The following PCMTD2 variants were observed in gnomAD, a reference collection of about 807,000 sequenced individuals.
PCMTD2 encodes the protein protein-L-isoaspartate O-methyltransferase domain-containing protein 2.
A neutral mutation model predicts 33.4 loss-of-function variants in PCMTD2; 16 were observed. The observed-to-expected ratio is 0.48, with a 90% confidence interval of 0.32 to 0.73. The LOEUF (loss-of-function observed/expected upper bound fraction) is 0.73. Ranked by LOEUF, PCMTD2 falls within the 30% of genes least tolerant of loss-of-function variation. PCMTD2 has a pLI of 0.03. For missense variants in PCMTD2, 374 were observed against 449.9 expected (o/e 0.83, Z 1.53); for synonymous variants, 161 against 160.8 (o/e 1.00, Z -0.01).
At chr20:64,259,861 A>G (rs1985325473) in intron 1 of PCMTD2, 81 bp from the exon 2 acceptor site, 4 of 675,540 alleles carry the variant, frequency 5.9e-6, no homozygotes, top group South Asian at 4.0e-5. Flanking sequence ...CAGAATTTCA[A>G]ATTGGTATCT....
chr20:64,272,671 T>G (rs1985955787), intron 5 of PCMTD2, among the ~76,000 whole-genome samples: 1 of 152,096 alleles, frequency 6.6e-6, no homozygotes, highest in Non-Finnish European at 1.5e-5. Flanking sequence ...AATACAAAAA[T>G]TAGCTGGGCG....
At position 64,273,907 on chromosome 20, in the gene PCMTD2, C is replaced by T; in HGVS notation, c.*307C>T. ...TTCGGCTCTGACGAAACACTGAAGTCTGCGTAAGAGAGACTGTTTGATGAC... is the reference window on the plus strand; with the variant it reads ...TTCGGCTCTGACGAAACACTGAAGTTTGCGTAAGAGAGACTGTTTGATGAC... On this transcript the variant is annotated 3_prime_UTR_variant, in exon 6 of 6. Transcript: ENST00000308824. 1 of 255,406 alleles carries T rather than the reference C, an allele frequency of 3.9e-6. No individual in the cohort carries two copies. Among genetic ancestry groups the T allele is most frequent in the Non-Finnish European group, 7.4e-6 (1 of 134,362 alleles). 15.8% of individuals were successfully genotyped at this position (255,406 alleles called of 1,614,324 possible).
At chr20:64,267,013 T>C (rs1985688694) in intron 4 of PCMTD2, among the ~76,000 whole-genome samples, 1 of 152,224 alleles carries the variant, frequency 6.6e-6, no homozygotes. Flanking sequence ...TTAATCCTTT[T>C]AGTTATAAGA....
intron 5 of PCMTD2, among the ~76,000 whole-genome samples, chr20:64,270,613 A>C (rs1568737287): frequency 6.6e-6 from 1 of 152,158 alleles, no homozygotes; most frequent in African/African-American, 2.4e-5. Flanking sequence ...TTTCAGATTG[A>C]ATGGAAGCAG....
chr20:64,256,675 C>T (rs946514833), intron 1 of PCMTD2: 2 of 152,224 alleles, frequency 1.3e-5, no homozygotes, highest in East Asian at 1.9e-4. Flanking sequence ...GAGCCCTACA[C>T]TCAGGTGATG....
chr20:64,272,769 G>A (rs1353100301), intron 5 of PCMTD2, among the ~76,000 whole-genome samples: 1 of 152,184 alleles, frequency 6.6e-6, no homozygotes. Context: ...GCAGTAAGTC[G>A]AGATCACACC....
rs764388106 is a variant in PCMTD2, at chr20:64,259,953, T to C, written c.-13T>C. On this transcript the variant is annotated 5_prime_UTR_variant, in exon 2 of 6. Coordinates refer to ENST00000308824, the MANE Select transcript of PCMTD2 (RefSeq NM_018257.3). The stretch of plus-strand genomic sequence containing the variant: ...ATTTTTAATTATAGTATTGCCTAAG[T>C]GTAATCTTGAACATGGGCGGTGCTG... 1.3e-6 allele frequency: 2 copies of C among 1,577,548 alleles called. No homozygotes were observed. The highest frequency in any genetic ancestry group is 1.7e-6 in the Non-Finnish European group (2 of 1,148,034).
intron 1 of PCMTD2, among the ~76,000 whole-genome samples, chr20:64,257,652 C>A (rs1415518040): frequency 6.6e-6 from 1 of 152,124 alleles, no homozygotes; most frequent in African/African-American, 2.4e-5. Context: ...ATATCAGACC[C>A]CACAGCTATT....
At position 64,273,516 on chromosome 20, in the gene PCMTD2, A is replaced by C; in HGVS notation, c.1002A>C (p.Pro334=). ...CGCCGGAAACAAAGCCAGACCCCCC[A>C]GTGAACTTCCTACGCCAGAAGGTCC... ...KTPPETKPDP[P]VNFLRQKVLS... The change falls in exon 6 of 6, where the codon CCA becomes CCC. Residue 334 remains proline (P), a synonymous_variant. Transcript: ENST00000308824. 1.9e-6 allele frequency: 3 copies of C among 1,596,166 alleles called. No individual in the cohort carries two copies. Among genetic ancestry groups the C allele is most frequent in the African/African-American group, 1.4e-5 (1 of 73,788 alleles).
chr20:64,273,766 A>G lies in PCMTD2; in HGVS notation c.*166A>G. The G allele has an allele frequency of 4.0e-6, 2 of 504,372 alleles. No homozygotes were observed. The highest frequency in any genetic ancestry group is 3.4e-6 in the Non-Finnish European group (1 of 291,920). 31.2% of individuals were successfully genotyped at this position (504,372 alleles called of 1,614,324 possible). A position where few individuals can be genotyped will look rare whatever the true frequency, so the allele number is the denominator to read the frequency against. On this transcript the variant is annotated 3_prime_UTR_variant, in exon 6 of 6. Transcript: ENST00000308824. Reference sequence around the variant, plus strand: ...TTCTAGTTCCTGATTGACCTCTAAAATTCTATTCAGTTGTATGATTTGTTT... The same window carrying G: ...TTCTAGTTCCTGATTGACCTCTAAAGTTCTATTCAGTTGTATGATTTGTTT...
intron 5 of PCMTD2, among the ~76,000 whole-genome samples, chr20:64,268,396 G>T (rs1007054396): frequency 2.6e-5 from 4 of 152,214 alleles, no homozygotes; most frequent in Admixed American, 2.0e-4. Context: ...TCCCCAGGGC[G>T]CCAAGCGCCT....
In PCMTD2 at chr20:64,260,162, C is replaced by T. The variant is rs746565490; in HGVS notation, c.197C>T (p.Pro66Leu). Residue 66 changes from proline (P) to leucine (L), a missense_variant, in exon 2 of 6, where the codon CCG becomes CTG. Pro to Leu is a moderately conservative substitution (Grantham distance 98, BLOSUM62 -3). Transcript: ENST00000308824. ...WKHGNIHLSA[P>L]CIYSEVMEAL... ...CATGGAAACATTCACCTCTCAGCCC[C>T]GTGCATCTACTCGGAGGTGATGGAA... 1.4e-5 allele frequency: 22 copies of T among 1,612,848 alleles called. No individual in the cohort carries two copies. The highest frequency in any genetic ancestry group is 2.2e-5 in the South Asian group (2 of 91,048).
At position 64,267,979 on chromosome 20, in the gene PCMTD2, A is replaced by G; in HGVS notation, c.675A>G (p.Ser225=). Reference sequence around the variant, plus strand: ...CTCCTCTGATCCAGCCCTGCCATTCAGAGTCAGGAAAATCAAGACTTGTCC... The same window carrying G: ...CTCCTCTGATCCAGCCCTGCCATTCGGAGTCAGGAAAATCAAGACTTGTCC... ...SFAPLIQPCH[S]ESGKSRLVQL... is the part of the protein sequence containing the mutation. Residue 225 remains serine, a synonymous_variant, in exon 5 of 6, where the codon TCA becomes TCG. Coordinates refer to ENST00000308824, the MANE Select transcript of PCMTD2 (RefSeq NM_018257.3). The G allele has an allele frequency of 6.2e-7, 1 of 1,613,302 alleles. No homozygotes were observed. The highest frequency in any genetic ancestry group is 8.5e-7 in the Non-Finnish European group (1 of 1,179,318).
chr20:64,259,724 T>A lies in PCMTD2; in HGVS notation c.-24-218T>A. 4 of 537,576 alleles carry A rather than the reference T, an allele frequency of 7.4e-6. No individual in the cohort carries two copies. In the South Asian group the frequency reaches 1.1e-4, roughly 14 times the overall value. The allele number at this position is 537,576 out of a possible 1,614,324, so 33.3% of individuals were successfully genotyped here. On this transcript the variant is annotated intron_variant, in intron 1 of 5. Coordinates refer to ENST00000308824, the MANE Select transcript of PCMTD2 (RefSeq NM_018257.3). ...ATTTCAAATAAACGTCAAATAACTTTTAGTATTGTTGTTTACCTTAATTTC... is the reference window on the plus strand; with the variant it reads ...ATTTCAAATAAACGTCAAATAACTTATAGTATTGTTGTTTACCTTAATTTC...
At chr20:64,272,768 C>T (rs1045925796) in intron 5 of PCMTD2, among the ~76,000 whole-genome samples, 8 of 152,266 alleles carry the variant, frequency 5.3e-5, no homozygotes, top group African/African-American at 1.9e-4. Context: ...TGCAGTAAGT[C>T]GAGATCACAC....
chr20:64,269,935 G>C (rs1237784022), intron 5 of PCMTD2, among the ~76,000 whole-genome samples: 2 of 148,228 alleles, frequency 1.3e-5, no homozygotes, highest in African/African-American at 5.0e-5. Flanking sequence ...GGTCCTGCAC[G>C]GTGTGGGGTC....
At chr20:64,269,082 A>G (rs967820181) in intron 5 of PCMTD2, among the ~76,000 whole-genome samples, 1 of 152,218 alleles carries the variant, frequency 6.6e-6, no homozygotes, top group Non-Finnish European at 1.5e-5. Context: ...GGGAGAAACT[A>G]CTGGTATGTA....
At chr20:64,273,198 T>C in intron 5 of PCMTD2, 23 bp from the exon 6 acceptor site, 1 of 1,600,248 alleles carries the variant, frequency 6.2e-7, no homozygotes, top group Non-Finnish European at 8.5e-7. Context: ...CATTTGACTG[T>C]GTCTCACTCT....
chr20:64,256,738 A>G (rs549222399), intron 1 of PCMTD2: 1 of 152,372 alleles, frequency 6.6e-6, no homozygotes, highest in Admixed American at 6.5e-5. Flanking sequence ...GCGCCACCCC[A>G]GCTCGTACCT....
Sources: gnomAD v4.1 joint callset for allele counts (sites outside exome capture counted in the v4.1 genomes callset) on GRCh38, gnomAD v4.1.1 for gene constraint, MANE v1.5 for transcripts, NCBI Gene and HGNC (gene_info 2026-07-23, HGNC 2026-07-21) for gene names.